The following ASTN2 variants were observed in gnomAD, a reference collection of about 807,000 sequenced individuals.
The protein encoded by ASTN2 is astrotactin-2.
Under a neutral mutation model 139.8 loss-of-function variants are expected in ASTN2, and 54 were observed. The ratio of observed to expected loss-of-function variants is 0.39; its 90% CI spans 0.31 to 0.48. The LOEUF is 0.48. Among genes scored for constraint, ASTN2 ranks in the 20% least tolerant of loss-of-function variants. The pLI, the probability that ASTN2 is intolerant of heterozygous loss-of-function variation, is 0.95. For missense variants in ASTN2, 1,565 were observed against 1,725.1 expected (o/e 0.91, Z 1.64); for synonymous variants, 756 against 719.5 (o/e 1.05, Z -0.81).
intron 20 of ASTN2, among the ~76,000 whole-genome samples, chr9:116,475,996 A>G (rs894754028): frequency 6.6e-6 from 1 of 152,174 alleles, no homozygotes; most frequent in African/African-American, 2.4e-5. Context: ...TAGGGCTACC[A>G]TTAAAAGGGC....
At chr9:116,681,272 C>G (rs974302074) in intron 16 of ASTN2, among the ~76,000 whole-genome samples, 1 of 152,176 alleles carries the variant, frequency 6.6e-6, no homozygotes, top group Non-Finnish European at 1.5e-5. Flanking sequence ...CTCCCATTCA[C>G]AATTGCTTCA....
At chr9:117,040,011 G>C (rs1838507855) in intron 5 of ASTN2, 46 bp from the exon 6 acceptor site, 1 of 1,536,148 alleles carries the variant, frequency 6.5e-7, no homozygotes, top group Admixed American at 1.9e-5. Flanking sequence ...CATGAGGTGA[G>C]GAAATGGGAT....
intron 10 of ASTN2, among the ~76,000 whole-genome samples, chr9:116,879,429 T>C (rs1303020953): frequency 6.6e-6 from 1 of 152,110 alleles, no homozygotes; most frequent in Non-Finnish European, 1.5e-5. Context: ...GGGACTGTGT[T>C]ATTATGAGGA....
chr9:117,064,121 C>A (rs73657631), intron 5 of ASTN2, among the ~76,000 whole-genome samples: 23 of 151,732 alleles, frequency 1.5e-4, no homozygotes, highest in African/African-American at 4.8e-4. Flanking sequence ...GTTTCCAGGA[C>A]GCGCTCACAA....
intron 16 of ASTN2, among the ~76,000 whole-genome samples, chr9:116,689,494 A>T (rs1374284967): frequency 6.6e-6 from 1 of 152,212 alleles, no homozygotes; most frequent in Non-Finnish European, 1.5e-5. Context: ...TCAGTTTTAC[A>T]CATGAGGAAA....
rs1210749350 is a variant in ASTN2, at chr9:116,575,660, T to C, written c.3355+42664A>G. On this transcript the variant is annotated intron_variant, in intron 19 of 22. Coordinates refer to ENST00000313400, the MANE Select transcript of ASTN2 (RefSeq NM_001365068.1). ...CATTGTTCATATAGAAAAGGCACTG[T>C]CTGAGAGAGTCTGCAGTAGAAAGTT... Among the ~76,000 whole-genome samples, 6 of 152,132 alleles carry C rather than the reference T, an allele frequency of 3.9e-5. No individual in the cohort carries two copies. The East Asian group carries it at 7.7e-4, about 20-fold the overall frequency.
intron 7 of ASTN2, among the ~76,000 whole-genome samples, chr9:116,995,653 T>C (rs1368653503): frequency 1.3e-5 from 2 of 152,202 alleles, no homozygotes; most frequent in South Asian, 2.1e-4. Context: ...AGGCTTGTGG[T>C]TTAGAGGGTA....
rs1047858357 is a variant in ASTN2 at position 116,438,665 on chromosome 9, G to A, written c.3782+1944C>T. 3.3e-5 allele frequency among the ~76,000 whole-genome samples: 5 copies of A among 152,174 alleles called. No individual in the cohort carries two copies. The South Asian group carries it at 8.3e-4, about 25-fold the overall frequency. ...AGGTTACTTCAAAAGGAAAATCTTG[G>A]GCCGGGCGGTGGCTCACGCCTGTAA... is the stretch of plus-strand genomic sequence containing the variant. On this transcript the variant is annotated intron_variant, in intron 22 of 22. Coordinates refer to ENST00000313400, the MANE Select transcript of ASTN2 (RefSeq NM_001365068.1).
At chr9:117,093,726 G>A (rs1002345656) in intron 5 of ASTN2, among the ~76,000 whole-genome samples, 8 of 152,218 alleles carry the variant, frequency 5.3e-5, no homozygotes, top group Non-Finnish European at 1.0e-4. Flanking sequence ...GAACAAAGAT[G>A]TTGCAGAACC....
At chr9:117,043,468 C>A (rs949829611) in intron 5 of ASTN2, among the ~76,000 whole-genome samples, 3 of 152,094 alleles carry the variant, frequency 2.0e-5, no homozygotes, top group Non-Finnish European at 4.4e-5. Flanking sequence ...AATACACTAC[C>A]CCGGCTCCAC....
chr9:116,560,146 C>T (rs541424826), intron 19 of ASTN2, among the ~76,000 whole-genome samples: 1 of 152,308 alleles, frequency 6.6e-6, no homozygotes, highest in East Asian at 1.9e-4. Flanking sequence ...GTGTAGTTAA[C>T]AATGTGTAAA....
At chr9:116,617,266 G>A (rs1168129550) in intron 19 of ASTN2, among the ~76,000 whole-genome samples, 6 of 152,178 alleles carry the variant, frequency 3.9e-5, no homozygotes, top group Non-Finnish European at 2.9e-5. Flanking sequence ...TGGGAGAGGT[G>A]TAGGAGAGAG....
intron 2 of ASTN2, among the ~76,000 whole-genome samples, chr9:117,249,157 A>G (rs1399076238): frequency 6.6e-6 from 1 of 152,238 alleles, no homozygotes; most frequent in Non-Finnish European, 1.5e-5. Flanking sequence ...TAACTGCTGA[A>G]GTCGTATGAA....
At chr9:116,462,314 G>C (rs1415514860) in intron 20 of ASTN2, among the ~76,000 whole-genome samples, 1 of 152,184 alleles carries the variant, frequency 6.6e-6, no homozygotes, top group Non-Finnish European at 1.5e-5. Context: ...GGAGCACAGT[G>C]AGCTTCAGCA....
At chr9:116,602,593 T>C (rs1854963271) in intron 19 of ASTN2, among the ~76,000 whole-genome samples, 1 of 152,164 alleles carries the variant, frequency 6.6e-6, no homozygotes, top group Admixed American at 6.5e-5. Flanking sequence ...TACTCCATCA[T>C]TGTTCTTAAT....
chr9:117,348,455 A>G (rs1280018163), intron 1 of ASTN2, among the ~76,000 whole-genome samples: 3 of 152,210 alleles, frequency 2.0e-5, no homozygotes, highest in Non-Finnish European at 4.4e-5. Flanking sequence ...CTATATCTAC[A>G]TGGCATGAAC....
chr9:117,245,340 C>T (rs1833347908), intron 2 of ASTN2, among the ~76,000 whole-genome samples: 1 of 152,188 alleles, frequency 6.6e-6, no homozygotes, highest in South Asian at 2.1e-4. Flanking sequence ...TGCTGCCACA[C>T]GTCTTTTTTG....
At chr9:116,653,974 A>T (rs1410999726) in intron 16 of ASTN2, among the ~76,000 whole-genome samples, 2 of 152,262 alleles carry the variant, frequency 1.3e-5, no homozygotes, top group Admixed American at 6.5e-5. Flanking sequence ...GCATCCCAGC[A>T]GCTAGAGACA....
chr9:116,481,154 G>A lies in ASTN2; in HGVS notation c.3497+6205C>T, dbSNP rs200687082. Reference sequence around the variant, plus strand: ...TGTAATCTCAGCACTTTGGGAGGCTGAGGCAGGTAAATGGCTTGAGCTCGA... The same window carrying A: ...TGTAATCTCAGCACTTTGGGAGGCTAAGGCAGGTAAATGGCTTGAGCTCGA... On this transcript the variant is annotated intron_variant, in intron 20 of 22. Transcript: ENST00000313400. Among the ~76,000 whole-genome samples the A allele has an allele frequency of 0.016, 2,465 of 152,288 alleles. 290 individuals carry two copies. The South Asian group carries it at 0.26, about 16-fold the overall frequency.
Sources: gnomAD v4.1 joint callset for allele counts (sites outside exome capture counted in the v4.1 genomes callset) on GRCh38, gnomAD v4.1.1 for gene constraint, MANE v1.5 for transcripts, NCBI Gene and HGNC (gene_info 2026-07-23, HGNC 2026-07-21) for gene names.